The following RGS7 variants were observed in gnomAD, a reference collection of about 807,000 sequenced individuals.
RGS7 encodes the protein regulator of G protein signaling 7.
In RGS7, 27 loss-of-function variants were observed where a neutral mutation model predicts 81.1. That is an observed-to-expected ratio of 0.33 (90% CI 0.25 to 0.46). RGS7 has a LOEUF of 0.46. Ranked by LOEUF, RGS7 falls within the 20% of genes least tolerant of loss-of-function variation. The pLI is 1.00. For synonymous variants in RGS7, 208 were observed against 207.7 expected, an observed-to-expected ratio of 1.00 and a Z score of -0.01; for missense variants, 396 against 607.4, an observed-to-expected ratio of 0.65 and a Z score of 3.66.
intron 2 of RGS7, among the ~76,000 whole-genome samples, chr1:241,219,752 T>C (rs189588075): frequency 6.6e-6 from 1 of 152,316 alleles, no homozygotes; most frequent in Non-Finnish European, 1.5e-5. Flanking sequence ...AAAGAAAGCA[T>C]TCCTTTGTTA....
chr1:241,180,252 G>GT lies in RGS7; in HGVS notation c.79-81491dup, dbSNP rs1192966036. Among the ~76,000 whole-genome samples the GT allele has an allele frequency of 2.0e-5, 3 of 152,254 alleles. No homozygotes were observed. In the East Asian group the frequency reaches 5.8e-4, roughly 29 times the overall value. ...TAGCCGGGCCTGGTGGCGGGTGCCTGTAGTCTCAGCTACTCGGGAGGCTGA... is the reference window on the plus strand; with the variant it reads ...TAGCCGGGCCTGGTGGCGGGTGCCTGTTAGTCTCAGCTACTCGGGAGGCTGA... On this transcript the variant is annotated intron_variant, in intron 2 of 18. Coordinates refer to ENST00000440928, the MANE Select transcript of RGS7 (RefSeq NM_001364886.1).
chr1:241,274,983 T>G (rs1558263221), intron 2 of RGS7, among the ~76,000 whole-genome samples: 2 of 152,214 alleles, frequency 1.3e-5, no homozygotes, highest in Non-Finnish European at 2.9e-5. Flanking sequence ...GTAAACATGA[T>G]TCTATATTAT....
chr1:240,795,199 AC>A (rs1249605468), intron 18 of RGS7, among the ~76,000 whole-genome samples: 3 of 96,010 alleles, frequency 3.1e-5, no homozygotes, highest in African/African-American at 1.3e-4. Flanking sequence ...AAACAAATAA[AC>A]AAAAAAACCC....
intron 4 of RGS7, among the ~76,000 whole-genome samples, chr1:240,974,734 A>G (rs547556174): frequency 2.1e-4 from 32 of 152,366 alleles, no homozygotes; most frequent in African/African-American, 7.2e-4. Flanking sequence ...GAAGACTAGT[A>G]TAAAAGTTGT....
intron 3 of RGS7, among the ~76,000 whole-genome samples, chr1:241,071,153 T>TCTGC (rs1423089024): frequency 6.6e-6 from 1 of 152,230 alleles, no homozygotes. Context: ...AATTTTCCTA[T>TCTGC]CTGCCTTGCT....
intron 2 of RGS7, among the ~76,000 whole-genome samples, chr1:241,320,031 C>T (rs562611847): frequency 9.2e-5 from 14 of 152,124 alleles, no homozygotes; most frequent in Non-Finnish European, 1.8e-4. Context: ...GCGGAGGTTG[C>T]AGTGAGCTGA....
intron 2 of RGS7, among the ~76,000 whole-genome samples, chr1:241,245,130 T>G (rs2076457775): frequency 6.6e-6 from 1 of 152,082 alleles, no homozygotes; most frequent in South Asian, 2.1e-4. Flanking sequence ...AAGTTGGACT[T>G]AAGAACTGTA....
chr1:240,964,384 T>G (rs1681957381), intron 4 of RGS7, among the ~76,000 whole-genome samples: 1 of 151,990 alleles, frequency 6.6e-6, no homozygotes, highest in African/African-American at 2.4e-5. Flanking sequence ...TAGCAATAAT[T>G]TATAGGATTG....
chr1:241,325,211 C>G (rs1403293399), intron 2 of RGS7, among the ~76,000 whole-genome samples: 1 of 152,156 alleles, frequency 6.6e-6, no homozygotes, highest in African/African-American at 2.4e-5. Context: ...AGGTGAAAAA[C>G]TTTCCTAATA....
intron 18 of RGS7, among the ~76,000 whole-genome samples, chr1:240,782,531 T>C (rs1347520114): frequency 6.6e-6 from 1 of 152,148 alleles, no homozygotes; most frequent in African/African-American, 2.4e-5. Flanking sequence ...CAAGCGATCC[T>C]CCTGCCTCAG....
intron 2 of RGS7, among the ~76,000 whole-genome samples, chr1:241,215,853 C>G (rs2074518270): frequency 6.6e-6 from 1 of 152,210 alleles, no homozygotes; most frequent in Non-Finnish European, 1.5e-5. Flanking sequence ...AAGGCTTAAT[C>G]TTATACAAGC....
chr1:241,035,039 T>A (rs562281082), intron 3 of RGS7, among the ~76,000 whole-genome samples: 1 of 152,108 alleles, frequency 6.6e-6, no homozygotes, highest in East Asian at 1.9e-4. Context: ...ACAGGAGAGA[T>A]TGTGAAGGTT....
chr1:241,112,681 C>T (rs1003810889), intron 2 of RGS7, among the ~76,000 whole-genome samples: 4 of 152,060 alleles, frequency 2.6e-5, no homozygotes, highest in African/African-American at 4.8e-5. Flanking sequence ...TTTTGTACAA[C>T]GATTTTTAAA....
At chr1:240,991,714 C>T (rs483862) in intron 3 of RGS7, among the ~76,000 whole-genome samples, 137,522 of 152,238 alleles carry the variant, frequency 0.9, 62,151 homozygotes, top group East Asian at 1. Context: ...GAAAATAAAA[C>T]AAGTAATAAG....
chr1:241,278,788 C>T (rs2148388700), intron 2 of RGS7, among the ~76,000 whole-genome samples: 1 of 152,348 alleles, frequency 6.6e-6, no homozygotes, highest in Non-Finnish European at 1.5e-5. Context: ...GACTCGGCAT[C>T]TCTGCACACC....
chr1:241,217,941 G>A (rs373377548), intron 2 of RGS7, among the ~76,000 whole-genome samples: 22 of 152,334 alleles, frequency 1.4e-4, no homozygotes, highest in Middle Eastern at 3.4e-3. Flanking sequence ...TATGTAGCTG[G>A]TGTATTTCTT....
intron 4 of RGS7, among the ~76,000 whole-genome samples, chr1:240,972,145 A>G (rs4660016): frequency 0.43 from 65,772 of 152,030 alleles, 14,558 homozygotes; most frequent in East Asian, 0.67. Flanking sequence ...TATGTAATGT[A>G]CCTTTGGGTC....
At position 241,103,179 on chromosome 1, in the gene RGS7, G is replaced by GTA. The variant is rs1365727256; in HGVS notation, c.79-4419_79-4418dup. 3.1e-3 allele frequency among the ~76,000 whole-genome samples: 472 copies of GTA among 151,926 alleles called. 4 individuals are homozygous for GTA. Among genetic ancestry groups the GTA allele is most frequent in the African/African-American group, 9.9e-3 (410 of 41,428 alleles). On this transcript the variant is annotated intron_variant, in intron 2 of 18. Transcript: ENST00000440928. ...TGTATGTGTGTGTATATATATGTGTGTATATATATATACTTACACACACGC... is the reference window on the plus strand; with the variant it reads ...TGTATGTGTGTGTATATATATGTGTGTATATATATATATACTTACACACACGC...
At chr1:240,901,136 A>G (rs113830884) in intron 6 of RGS7, among the ~76,000 whole-genome samples, 19,384 of 151,902 alleles carry the variant, frequency 0.13, 1,359 homozygotes, top group Middle Eastern at 0.18. Flanking sequence ...TGCTAAGACC[A>G]TTGGAAAAGT....
Sources: allele counts gnomAD v4.1 joint callset (sites outside exome capture counted in the v4.1 genomes callset), GRCh38; gene constraint gnomAD v4.1.1; transcripts MANE v1.5; gene names NCBI Gene and HGNC (gene_info 2026-07-23, HGNC 2026-07-21).